The following TPRG1 variants were observed in gnomAD, a reference collection of about 807,000 sequenced individuals.
TPRG1 encodes the protein tumor protein p63 regulated 1.
Under a neutral mutation model 29.3 loss-of-function variants are expected in TPRG1, and 29 were observed. The observed-to-expected ratio is 0.99, with a 90% CI of 0.74 to 1.35. The LOEUF (loss-of-function observed/expected upper bound fraction) is 1.35, where lower values mean the gene tolerates loss of function less well. TPRG1 is among the 40% of genes most tolerant of loss of function. TPRG1 has a pLI of 0.00. For synonymous variants in TPRG1, 130 were observed against 116.8 expected (o/e 1.11, Z -0.73); for missense variants, 327 against 335.0 (o/e 0.98, Z 0.19).
intron 5 of TPRG1, among the ~76,000 whole-genome samples, chr3:189,162,411 A>C (rs1441293068): frequency 6.6e-6 from 1 of 152,254 alleles, no homozygotes; most frequent in Non-Finnish European, 1.5e-5. Context: ...ATGGGGAATA[A>C]GGGTGAAGCA....
intron 4 of TPRG1, among the ~76,000 whole-genome samples, chr3:189,307,212 G>A (rs1038723100): frequency 1.3e-5 from 2 of 152,036 alleles, no homozygotes; most frequent in Admixed American, 6.6e-5. Context: ...TAGTAGAGAT[G>A]GGAGTCTCAC....
intron 1 of TPRG1, among the ~76,000 whole-genome samples, chr3:189,117,950 CGT>C (rs2108499966): frequency 6.6e-6 from 1 of 152,158 alleles, no homozygotes; most frequent in African/African-American, 2.4e-5. Flanking sequence ...TACCCGAAAA[CGT>C]GGAAGTGACT....
At chr3:189,154,083 T>C (rs1475485290) in intron 5 of TPRG1, among the ~76,000 whole-genome samples, 4 of 152,272 alleles carry the variant, frequency 2.6e-5, no homozygotes, top group African/African-American at 9.6e-5. Context: ...ATGCTTTAAA[T>C]GGAGAGAGGA....
At chr3:189,304,663 A>G (rs937756400) in intron 4 of TPRG1, among the ~76,000 whole-genome samples, 1 of 152,050 alleles carries the variant, frequency 6.6e-6, no homozygotes, top group Non-Finnish European at 1.5e-5. Context: ...CATGGAAAAT[A>G]TTTCCTCTGA....
intron 5 of TPRG1, among the ~76,000 whole-genome samples, chr3:189,152,636 T>G (rs1213606885): frequency 2.0e-5 from 3 of 146,924 alleles, no homozygotes; most frequent in Non-Finnish European, 4.5e-5. Flanking sequence ...AAAGTAGGAT[T>G]CCTACCCGCC....
intron 3 of TPRG1, among the ~76,000 whole-genome samples, chr3:189,220,310 ATTT>A (rs540593694): frequency 4.6e-4 from 70 of 151,990 alleles, no homozygotes; most frequent in African/African-American, 1.6e-3. Context: ...ATTCCAGCTT[ATTT>A]TTATGTATTC....
chr3:189,118,294 T>C (rs1578413722), intron 1 of TPRG1, among the ~76,000 whole-genome samples: 1 of 151,994 alleles, frequency 6.6e-6, no homozygotes, highest in Non-Finnish European at 1.5e-5. Flanking sequence ...TGAGAGAGAT[T>C]ATTTAGGGAA....
chr3:189,258,822 T>G (rs1488594164), intron 4 of TPRG1, among the ~76,000 whole-genome samples: 4 of 152,150 alleles, frequency 2.6e-5, no homozygotes, highest in Admixed American at 2.6e-4. Flanking sequence ...AACTGCCTAC[T>G]CAAGCCTTAG....
intron 4 of TPRG1, among the ~76,000 whole-genome samples, chr3:189,024,252 C>A (rs1284188995): frequency 6.6e-6 from 1 of 152,042 alleles, no homozygotes; most frequent in African/African-American, 2.4e-5. Flanking sequence ...GGATCAGGGT[C>A]CCCTTTAAAG....
At chr3:189,078,647 G>A (rs1214454892) in intron 4 of TPRG1, among the ~76,000 whole-genome samples, 1 of 152,098 alleles carries the variant, frequency 6.6e-6, no homozygotes, top group Non-Finnish European at 1.5e-5. Context: ...TCAGGGTTAT[G>A]AAGAAAAATA....
chr3:189,285,265 G>T (rs1189873837), intron 4 of TPRG1, among the ~76,000 whole-genome samples: 1 of 152,172 alleles, frequency 6.6e-6, no homozygotes, highest in African/African-American at 2.4e-5. Flanking sequence ...AAAGAAAGGT[G>T]TTATAAGAAG....
At chr3:189,024,911 G>T (rs974402588) in intron 4 of TPRG1, among the ~76,000 whole-genome samples, 1 of 152,186 alleles carries the variant, frequency 6.6e-6, no homozygotes, top group African/African-American at 2.4e-5. Context: ...GAGCCCCCAG[G>T]GGCTTCGTCC....
chr3:189,057,001 C>T (rs1715744072), intron 4 of TPRG1, among the ~76,000 whole-genome samples: 1 of 152,174 alleles, frequency 6.6e-6, no homozygotes, highest in East Asian at 1.9e-4. Context: ...AGGATAATTT[C>T]TGAAGTGTAA....
chr3:189,263,126 G>A (rs1220707358), intron 4 of TPRG1, among the ~76,000 whole-genome samples: 2 of 152,246 alleles, frequency 1.3e-5, no homozygotes, highest in African/African-American at 4.8e-5. Flanking sequence ...GGCTCTTCCA[G>A]AAGGGCAGGA....
intron 2 of TPRG1, 102 bp downstream of exon 2, chr3:189,207,696 C>T (rs1247995655): frequency 2.8e-6 from 3 of 1,088,450 alleles, no homozygotes; most frequent in Non-Finnish European, 4.1e-6. Context: ...TCACATTTGT[C>T]TCATGTAATC....
upstream of TPRG1, among the ~76,000 whole-genome samples, chr3:189,096,673 C>T (rs548261518): frequency 9.9e-5 from 15 of 152,216 alleles, no homozygotes; most frequent in African/African-American, 1.7e-4. Flanking sequence ...AAGTGTGAAA[C>T]GTAAAAAATT....
At chr3:189,248,439 A>G (rs1260366804) in intron 4 of TPRG1, among the ~76,000 whole-genome samples, 1 of 151,652 alleles carries the variant, frequency 6.6e-6, no homozygotes, top group Admixed American at 6.6e-5. Flanking sequence ...TCACAATAGA[A>G]TTCTTTTTTT....
intron 1 of TPRG1, among the ~76,000 whole-genome samples, chr3:189,107,453 A>G (rs922277671): frequency 6.6e-6 from 1 of 152,302 alleles, no homozygotes; most frequent in Non-Finnish European, 1.5e-5. Flanking sequence ...TGTCTAACAC[A>G]AATTGTCTTC....
At chr3:189,305,874 C>T (rs771979693) in intron 4 of TPRG1, among the ~76,000 whole-genome samples, 5 of 152,190 alleles carry the variant, frequency 3.3e-5, no homozygotes, top group Non-Finnish European at 7.3e-5. Flanking sequence ...TTCTGGGAGG[C>T]TTTGGAACTT....
Sources: gnomAD v4.1 joint callset for allele counts (sites outside exome capture counted in the v4.1 genomes callset) on GRCh38, gnomAD v4.1.1 for gene constraint, MANE v1.5 for transcripts, NCBI Gene and HGNC (gene_info 2026-07-23, HGNC 2026-07-21) for gene names.